The following FAM13A variants were observed in gnomAD, a reference collection of about 807,000 sequenced individuals.
FAM13A encodes protein FAM13A.
Under a neutral mutation model 129.6 loss-of-function variants are expected in FAM13A, and 76 were observed. The ratio of observed to expected loss-of-function variants is 0.59; its 90% CI spans 0.49 to 0.71. The LOEUF is 0.71. FAM13A is among the 30% of genes least tolerant of loss of function. The probability of loss-of-function intolerance (pLI) is 0.00; values close to 1 mark genes in which losing one functional copy is unlikely to be tolerated. For synonymous variants in FAM13A, 443 were observed against 449.9 expected (o/e 0.98, Z 0.20); for missense variants, 1,108 against 1,249.3 (o/e 0.89, Z 1.70).
intron 6 of FAM13A, among the ~76,000 whole-genome samples, chr4:88,880,433 G>A (rs1229913309): frequency 6.6e-6 from 1 of 152,092 alleles, no homozygotes; most frequent in African/African-American, 2.4e-5. Context: ...AGCTCTGTGG[G>A]CACTCTTGGT....
intron 11 of FAM13A, among the ~76,000 whole-genome samples, chr4:88,777,027 A>G (rs1198602974): frequency 1.3e-5 from 2 of 152,162 alleles, no homozygotes; most frequent in Non-Finnish European, 2.9e-5. Context: ...GAACAGAGTA[A>G]GTAGCAGAAG....
intron 1 of FAM13A, among the ~76,000 whole-genome samples, chr4:89,046,693 A>T (rs538877148): frequency 1.4e-5 from 2 of 147,844 alleles, no homozygotes; most frequent in Admixed American, 1.3e-4. Flanking sequence ...CTGCAAAAAA[A>T]TACAAAAATT....
intron 4 of FAM13A, among the ~76,000 whole-genome samples, chr4:88,953,408 T>C (rs1757258215): frequency 6.6e-6 from 1 of 152,128 alleles, no homozygotes; most frequent in Admixed American, 6.5e-5. Context: ...TGAGCCGAGA[T>C]TGCACCACTG....
At chr4:88,744,540 A>G (rs930370242) in intron 19 of FAM13A, among the ~76,000 whole-genome samples, 1 of 152,170 alleles carries the variant, frequency 6.6e-6, no homozygotes, top group African/African-American at 2.4e-5. Flanking sequence ...TGCCCTTTTA[A>G]ATCAGTATCT....
At chr4:88,799,469 C>T (rs1441483463) in intron 8 of FAM13A, among the ~76,000 whole-genome samples, 1 of 146,376 alleles carries the variant, frequency 6.8e-6, no homozygotes, top group Non-Finnish European at 1.5e-5. Context: ...CCATATGCTC[C>T]AACAATTCCA....
rs148710732 is a variant in FAM13A at position 88,841,666 on chromosome 4, G to A, written c.1007+9354C>T. Among the ~76,000 whole-genome samples the A allele has an allele frequency of 3.6e-3, 544 of 152,094 alleles. 3 individuals carry two copies. Among genetic ancestry groups the A allele is most frequent in the African/African-American group, 0.012 (506 of 41,478 alleles). ...TTGGCCATTAAACACATGAAAAGAT[G>A]TTCAACATCATTATTCATTGGGGCA... On this transcript the variant is annotated intron_variant, in intron 7 of 23. Coordinates refer to ENST00000264344, the MANE Select transcript of FAM13A (RefSeq NM_014883.4).
chr4:88,934,943 T>A (rs1753612961), intron 5 of FAM13A, among the ~76,000 whole-genome samples: 1 of 152,214 alleles, frequency 6.6e-6, no homozygotes, highest in African/African-American at 2.4e-5. Flanking sequence ...CTAGTCAACA[T>A]GGCCAAACCA....
chr4:88,766,380 G>A (rs7666372), intron 13 of FAM13A, among the ~76,000 whole-genome samples: 11,038 of 152,062 alleles, frequency 0.073, 465 homozygotes, highest in African/African-American at 0.092. Flanking sequence ...AAAATGAGTT[G>A]GAAATAGATG....
chr4:88,728,688 G>C (rs1279868888), intron 23 of FAM13A, 29 bp from the exon 24 acceptor site: 1 of 1,613,094 alleles, frequency 6.2e-7, no homozygotes, highest in African/African-American at 1.3e-5. Flanking sequence ...AAAGGGGTCT[G>C]AGGATCATTT....
chr4:88,728,599 T>C lies in FAM13A; in HGVS notation c.3006A>G (p.Ile1002Met). The C allele has an allele frequency of 6.2e-7, 1 of 1,614,236 alleles. No individual in the cohort carries two copies. Among genetic ancestry groups the C allele is most frequent in the Non-Finnish European group, 8.5e-7 (1 of 1,180,028 alleles). ...MAEEYSEYKH[I>M]KAKLRLLEVL... is the part of the protein sequence containing the mutation. The stretch of plus-strand genomic sequence containing the variant: ...CCTCCAGGAGCCTCAGTTTCGCCTT[T>C]ATGTGCTTATATTCACTGTATTCTT... The change falls in exon 24 of 24, where the codon ATA becomes ATG. Residue 1002 changes from isoleucine (I) to methionine (M), a missense_variant. Coordinates refer to ENST00000264344, the MANE Select transcript of FAM13A (RefSeq NM_014883.4).
At chr4:88,741,967 A>C (rs1740362817) in intron 19 of FAM13A, among the ~76,000 whole-genome samples, 1 of 152,246 alleles carries the variant, frequency 6.6e-6, no homozygotes, top group Non-Finnish European at 1.5e-5. Context: ...AGACACATGT[A>C]ATAATCTTTT....
intron 22 of FAM13A, chr4:88,731,658 C>G (rs1289242115): frequency 1.8e-6 from 1 of 540,914 alleles, no homozygotes; most frequent in Non-Finnish European, 3.2e-6. Flanking sequence ...ATTCTTAGCC[C>G]TTGTGAAATC....
intron 10 of FAM13A, among the ~76,000 whole-genome samples, 183 bp from the exon 11 acceptor site, chr4:88,781,534 T>C (rs1293066114): frequency 1.3e-5 from 2 of 152,046 alleles, no homozygotes; most frequent in Admixed American, 6.6e-5. Flanking sequence ...ATAAATCACA[T>C]TGAAAGAGAA....
chr4:88,726,004 G>A lies in FAM13A; in HGVS notation c.*2529C>T, dbSNP rs1263816717. ...AATTCTTAAGTTTACTTACACTTAT[G>A]AAATAACTCTTGACATTTATTTTGT... On this transcript the variant is annotated 3_prime_UTR_variant, in exon 24 of 24. Transcript: ENST00000264344. 1 of 152,198 alleles carries A rather than the reference G, an allele frequency of 6.6e-6. No individual in the cohort carries two copies. The highest frequency in any genetic ancestry group is 1.5e-5 in the Non-Finnish European group (1 of 68,036). The allele number at this position is 152,198 out of a possible 1,614,324, so 9.4% of individuals were successfully genotyped here.
chr4:89,029,401 A>G (rs878909002), intron 2 of FAM13A, 59 bp downstream of exon 2: 2 of 1,318,576 alleles, frequency 1.5e-6, no homozygotes, highest in South Asian at 2.6e-5. Flanking sequence ...ATTCACACAA[A>G]TAATTTGTTT....
At chr4:88,784,746 A>G (rs965303850) in intron 10 of FAM13A, among the ~76,000 whole-genome samples, 5 of 152,192 alleles carry the variant, frequency 3.3e-5, no homozygotes, top group Non-Finnish European at 7.4e-5. Flanking sequence ...TTGCTTTTAA[A>G]AAATATTTCT....
At chr4:88,863,443 C>G (rs1159776093) in intron 6 of FAM13A, among the ~76,000 whole-genome samples, 1 of 152,118 alleles carries the variant, frequency 6.6e-6, no homozygotes, top group Non-Finnish European at 1.5e-5. Context: ...GAGTTGTATC[C>G]TTTAAAATAA....
At chr4:89,007,700 T>C (rs757036552) in intron 3 of FAM13A, among the ~76,000 whole-genome samples, 1 of 152,238 alleles carries the variant, frequency 6.6e-6, no homozygotes, top group African/African-American at 2.4e-5. Context: ...AACTTGGCCA[T>C]ACTAATGCAG....
At chr4:88,879,837 GCAGC>G (rs1379291239) in intron 6 of FAM13A, among the ~76,000 whole-genome samples, 1 of 152,122 alleles carries the variant, frequency 6.6e-6, no homozygotes, top group African/African-American at 2.4e-5. Flanking sequence ...AATTGGGCAG[GCAGC>G]ATGAGCAAGA....
Sources: gnomAD v4.1 joint callset for allele counts (sites outside exome capture counted in the v4.1 genomes callset) on GRCh38, gnomAD v4.1.1 for gene constraint, MANE v1.5 for transcripts, NCBI Gene and HGNC (gene_info 2026-07-23, HGNC 2026-07-21) for gene names.